Variants in HOXA3 observed in about 807,000 individuals in gnomAD.
HOXA3 encodes homeobox protein Hox-A3.
In HOXA3, 8 loss-of-function variants were observed where a neutral mutation model predicts 30.3. That is an observed-to-expected ratio of 0.26 (90% CI 0.15 to 0.48). The LOEUF is 0.48. Ranked by LOEUF, HOXA3 falls within the 20% of genes least tolerant of loss-of-function variation. The pLI, the probability that HOXA3 is intolerant of heterozygous loss-of-function variation, is 0.99. For synonymous variants in HOXA3, 323 were observed against 273.1 expected (o/e 1.18, Z -1.80); for missense variants, 653 against 614.4 (o/e 1.06, Z -0.66).
At chr7:27,143,257 G>C (rs764768499) in intron 1 of HOXA3, 1 of 1,608,128 alleles carries the variant, frequency 6.2e-7, no homozygotes, top group Non-Finnish European at 8.5e-7. Context: ...AGTTTTTCCC[G>C]CCGTGGTGGC....
At chr7:27,138,386 T>A (rs902467996) in intron 2 of HOXA3, among the ~76,000 whole-genome samples, 2 of 152,248 alleles carry the variant, frequency 1.3e-5, no homozygotes, top group Non-Finnish European at 2.9e-5. Flanking sequence ...AATAAGTTTA[T>A]TGAAATTCCA....
At chr7:27,129,369 G>T in intron 2 of HOXA3, 1 of 1,614,176 alleles carries the variant, frequency 6.2e-7, no homozygotes, top group Non-Finnish European at 8.5e-7. Flanking sequence ...GCAGTTTGTG[G>T]TCTTTCTTCC....
At chr7:27,142,226 T>G in intron 1 of HOXA3, 1 of 818,108 alleles carries the variant, frequency 1.2e-6, no homozygotes, top group South Asian at 1.8e-5. Flanking sequence ...CCCTCCCGAA[T>G]TTCCTTCTCT....
chr7:27,114,712 G>T (rs1784576141), intron 4 of HOXA3, among the ~76,000 whole-genome samples: 1 of 122,124 alleles, frequency 8.2e-6, no homozygotes, highest in South Asian at 2.9e-4. Context: ...GGAAGACAGA[G>T]AAAGCTCTGA....
chr7:27,116,630 C>T (rs1380612382), intron 4 of HOXA3: 2 of 152,196 alleles, frequency 1.3e-5, no homozygotes, highest in African/African-American at 2.4e-5. Flanking sequence ...AGCTTGCTGG[C>T]ACTGAAGCAA....
intron 3 of HOXA3, chr7:27,124,434 G>A (rs1785186025): frequency 6.6e-6 from 1 of 152,202 alleles, no homozygotes; most frequent in Admixed American, 6.5e-5. Flanking sequence ...CCGAACTCAC[G>A]TTTCCCCGGA....
chr7:27,140,012 A>T (rs895966134), intron 2 of HOXA3, 71 bp downstream of exon 2: 1 of 145,864 alleles, frequency 6.9e-6, no homozygotes, highest in East Asian at 1.9e-4. Context: ...AGAGAGAGAG[A>T]GAGAGAGAGA....
Position 27,110,484 on chromosome 7 carries a change from G to A in HOXA3, c.157C>T (p.Gln53Ter). 1 of 1,603,534 alleles carries A rather than the reference G, an allele frequency of 6.2e-7. No homozygotes were observed. Among genetic ancestry groups the A allele is most frequent in the Non-Finnish European group, 8.5e-7 (1 of 1,173,150 alleles). The change falls in exon 5 of 6, where the codon CAG (glutamine) becomes TAG (stop). Residue 53 changes from glutamine to a stop codon, truncating the protein, a stop_gained. Transcript: ENST00000612286. LOFTEE classifies it high-confidence loss of function. ...GEYHRPACSL[Q>*]SPSSAGGHPK... Reference sequence around the variant, plus strand: ...TGGCCCCCGGCGCTGGAGGGAGACTGGAGGGAGCAGGCGGGTCGGTGGTAC... The same window carrying A: ...TGGCCCCCGGCGCTGGAGGGAGACTAGAGGGAGCAGGCGGGTCGGTGGTAC...
intron 1 of HOXA3, among the ~76,000 whole-genome samples, chr7:27,148,100 T>C (rs1293063448): frequency 6.6e-6 from 1 of 152,246 alleles, no homozygotes; most frequent in East Asian, 1.9e-4. Flanking sequence ...GTAGGGACAC[T>C]AATGCTTGGG....
In HOXA3 at chr7:27,110,056, AGT is replaced by A. The variant is rs1784272745; in HGVS notation, c.526+57_526+58del. On this transcript the variant is annotated intron_variant, in intron 5 of 5. Transcript: ENST00000612286. ...CTAGGCTGTGCTGGATGTCGTGGGC[AGT>A]AGCTTGGGGACCAGGAGCCAGGCCA... 1.5e-5 allele frequency: 24 copies of A among 1,600,522 alleles called. No homozygotes were observed. In the South Asian group the frequency reaches 2.7e-4, roughly 18 times the overall value.
chr7:27,110,209 G>C lies in HOXA3; in HGVS notation c.432C>G (p.Pro144=). ...NPTPANAAKS[P]LLNSPTVAKQ... is the part of the protein sequence containing the mutation. ...TGGCCACTGTGGGTGAGTTGAGCAG[G>C]GGGCTCTTGGCCGCGTTGGCAGGGG... Residue 144 remains proline, a synonymous_variant, in exon 5 of 6, where the codon CCC becomes CCG. Transcript: ENST00000612286. 2 of 1,614,172 alleles carry C rather than the reference G, an allele frequency of 1.2e-6. No individual in the cohort carries two copies. Among genetic ancestry groups the C allele is most frequent in the African/African-American group, 2.7e-5 (2 of 75,038 alleles).
Position 27,152,389 on chromosome 7 carries a change from A to G in HOXA3, c.-595T>C. 8.5e-7 allele frequency: 1 copy of G among 1,182,812 alleles called. No homozygotes were observed. Among genetic ancestry groups the G allele is most frequent in the Non-Finnish European group, 1.1e-6 (1 of 936,254 alleles). The allele number at this position is 1,182,812 out of a possible 1,614,324, so 73.3% of individuals were successfully genotyped here. ...CTTTCCTGGTGCCAGAGGACGCAGG[A>G]AATTAGCCAGGTTGCGAGTTGCAAA... is the stretch of plus-strand genomic sequence containing the variant. On this transcript the variant is annotated 5_prime_UTR_variant, in exon 1 of 6. Coordinates refer to ENST00000612286, the MANE Select transcript of HOXA3 (RefSeq NM_153631.3).
intron 2 of HOXA3, among the ~76,000 whole-genome samples, chr7:27,127,992 G>T (rs1404265509): frequency 6.6e-6 from 1 of 152,152 alleles, no homozygotes; most frequent in Non-Finnish European, 1.5e-5. Flanking sequence ...AGGACCTTAA[G>T]AACAGCCAGG....
intron 5 of HOXA3, among the ~76,000 whole-genome samples, chr7:27,109,093 C>A (rs1784214676): frequency 6.6e-6 from 1 of 152,180 alleles, no homozygotes; most frequent in Admixed American, 6.5e-5. Flanking sequence ...TTCACAGTAA[C>A]TGAAATGTGG....
At chr7:27,149,241 G>C (rs1480164001) in intron 1 of HOXA3, among the ~76,000 whole-genome samples, 1 of 152,188 alleles carries the variant, frequency 6.6e-6, no homozygotes, top group Non-Finnish European at 1.5e-5. Flanking sequence ...GTGTTTGTTG[G>C]GCTTGTAAAA....
chr7:27,129,519 G>T (rs1206053250), intron 2 of HOXA3: 13 of 1,614,144 alleles, frequency 8.1e-6, no homozygotes, highest in Non-Finnish European at 1.1e-5. Context: ...CCTGCTGCCG[G>T]GTGTAGGCGG....
At chr7:27,121,218 T>TGA (rs1228033713) in intron 4 of HOXA3, 2 of 106,552 alleles carry the variant, frequency 1.9e-5, no homozygotes, top group African/African-American at 8.7e-5. Flanking sequence ...GCCCACTGTG[T>TGA]GCGTGTGTGT....
At chr7:27,115,572 G>C (rs1784676178) in intron 4 of HOXA3, 1 of 152,244 alleles carries the variant, frequency 6.6e-6, no homozygotes, top group Non-Finnish European at 1.5e-5. Context: ...CCAGCTCTCC[G>C]TAAGAACCTG....
chr7:27,141,620 CA>C, intron 1 of HOXA3: 1 of 455,486 alleles, frequency 2.2e-6, no homozygotes, highest in East Asian at 3.6e-5. Flanking sequence ...TTTTTCAAGA[CA>C]AAGCCATTCA....
Sources: allele counts gnomAD v4.1 joint callset (sites outside exome capture counted in the v4.1 genomes callset), GRCh38; gene constraint gnomAD v4.1.1; transcripts MANE v1.5; gene names NCBI Gene and HGNC (gene_info 2026-07-23, HGNC 2026-07-21).